The following KIAA1671 variants were observed in gnomAD, a reference collection of about 807,000 sequenced individuals.
The protein encoded by KIAA1671 is KIAA1671, also known as uncharacterized protein KIAA1671.
A neutral mutation model predicts 131.2 loss-of-function variants in KIAA1671; 52 were observed. The observed-to-expected ratio is 0.40, with a 90% CI of 0.32 to 0.50. The LOEUF (loss-of-function observed/expected upper bound fraction) is 0.50, where lower values mean the gene tolerates loss of function less well. KIAA1671 is among the 20% of genes least tolerant of loss of function. The pLI is 0.73. For missense variants in KIAA1671, 2,360 were observed against 2,364.2 expected (o/e 1.00, Z 0.04); for synonymous variants, 1,003 against 961.6 (o/e 1.04, Z -0.80).
intron 6 of KIAA1671, among the ~76,000 whole-genome samples, chr22:25,079,315 C>T (rs997259654): frequency 6.6e-6 from 1 of 152,082 alleles, no homozygotes; most frequent in East Asian, 1.9e-4. Context: ...CTGCAACCTC[C>T]GCCTCCTGGG....
At chr22:24,977,368 TGTC>T (rs745439206) in intron 1 of KIAA1671, among the ~76,000 whole-genome samples, 10 of 152,212 alleles carry the variant, frequency 6.6e-5, no homozygotes, top group Non-Finnish European at 1.2e-4. Context: ...CATGCGCTGT[TGTC>T]TGCTCCCCCA....
intron 5 of KIAA1671, 77 bp downstream of exon 5, chr22:25,041,602 G>C (rs1222533161): frequency 1.4e-6 from 2 of 1,409,030 alleles, no homozygotes; most frequent in Non-Finnish European, 1.9e-6. Flanking sequence ...CTCAGATTTT[G>C]TGTGGCCCAC....
At chr22:25,015,929 C>T (rs1925290779) in intron 1 of KIAA1671, among the ~76,000 whole-genome samples, 1 of 152,212 alleles carries the variant, frequency 6.6e-6, no homozygotes, top group South Asian at 2.1e-4. Context: ...AGCTCTGCTG[C>T]TGCTGTCATT....
chr22:25,178,782 C>T (rs1316502922), intron 9 of KIAA1671, among the ~76,000 whole-genome samples: 2 of 152,146 alleles, frequency 1.3e-5, no homozygotes, highest in Non-Finnish European at 2.9e-5. Context: ...AGCCCCCACC[C>T]ACCCCCTGCC....
chr22:24,996,147 T>C (rs910339243), intron 1 of KIAA1671, among the ~76,000 whole-genome samples: 2 of 151,386 alleles, frequency 1.3e-5, no homozygotes, highest in South Asian at 2.1e-4. Flanking sequence ...CAAGGACTCA[T>C]TGGGGAAGCG....
intron 1 of KIAA1671, among the ~76,000 whole-genome samples, chr22:24,968,008 A>G (rs1569194271): frequency 6.6e-6 from 1 of 152,010 alleles, no homozygotes; most frequent in Non-Finnish European, 1.5e-5. Flanking sequence ...AAAAGAAAAA[A>G]AGACTTGGAT....
intron 1 of KIAA1671, among the ~76,000 whole-genome samples, chr22:24,970,730 T>TAA (rs533720025): frequency 0.027 from 3,680 of 137,358 alleles, 194 homozygotes; most frequent in African/African-American, 0.091. Flanking sequence ...GTTGATGAGC[T>TAA]AAAAAAAAAA....
chr22:25,160,745 A>G (rs1173859365), intron 6 of KIAA1671, among the ~76,000 whole-genome samples: 1 of 152,162 alleles, frequency 6.6e-6, no homozygotes, highest in Non-Finnish European at 1.5e-5. Flanking sequence ...GGCCACACCT[A>G]CATTGTTGTC....
Position 25,039,749 on chromosome 22 carries a change from G to A in KIAA1671, c.2619G>A (p.Val873=), listed in dbSNP as rs1926809308. 1 of 1,496,502 alleles carries A rather than the reference G, an allele frequency of 6.7e-7. No homozygotes were observed. Among genetic ancestry groups the A allele is most frequent in the African/African-American group, 1.4e-5 (1 of 71,864 alleles). 92.7% of individuals were successfully genotyped at this position (1,496,502 alleles called of 1,614,324 possible). A position where few individuals can be genotyped will look rare whatever the true frequency, so the allele number is the denominator to read the frequency against. The part of the protein sequence containing the change: ...GPEGARSKPG[V]GARGPPQGCP... ...AGGGGGCCAGAAGCAAGCCAGGAGT[G>A]GGAGCAAGGGGCCCACCCCAGGGAT... Residue 873 remains valine (V), a synonymous_variant, in exon 5 of 13, where the codon GTG becomes GTA. Transcript: ENST00000358431.
At chr22:25,013,150 G>A (rs1322324730) in intron 1 of KIAA1671, 1 of 152,188 alleles carries the variant, frequency 6.6e-6, no homozygotes, top group Non-Finnish European at 1.5e-5. Context: ...TGGAGGGTTG[G>A]AAGTCATTTT....
intron 6 of KIAA1671, among the ~76,000 whole-genome samples, chr22:25,073,074 T>G (rs958497249): frequency 2.0e-5 from 3 of 152,112 alleles, no homozygotes; most frequent in African/African-American, 7.2e-5. Context: ...ACCTTTTTGT[T>G]TGTCTGTTTT....
chr22:25,165,019 G>GTGTGTC (rs1453641721), intron 6 of KIAA1671, among the ~76,000 whole-genome samples: 3 of 146,308 alleles, frequency 2.1e-5, no homozygotes, highest in Non-Finnish European at 4.5e-5. Context: ...GTGTGTGTGT[G>GTGTGTC]TGTCTGTGGT....
intron 6 of KIAA1671, among the ~76,000 whole-genome samples, chr22:25,159,041 G>A (rs1031601834): frequency 7.2e-5 from 11 of 152,134 alleles, no homozygotes; most frequent in African/African-American, 2.4e-4. Context: ...CACCCACAGC[G>A]CAGGCTCTAG....
intron 1 of KIAA1671, among the ~76,000 whole-genome samples, chr22:24,989,233 G>C (rs77900455): frequency 1.3e-5 from 2 of 152,080 alleles, no homozygotes; most frequent in Non-Finnish European, 2.9e-5. Flanking sequence ...TGGCCACCCC[G>C]TCTCCCACCT....
Position 25,117,634 on chromosome 22 carries a change from CACAG to C in KIAA1671, c.4531-53182_4531-53179del, listed in dbSNP as rs1185803256. On this transcript the variant is annotated intron_variant, in intron 6 of 12. Transcript: ENST00000358431. ...ACACACACACACACACACACACACACACAGACACACTGCTTCAGCAAGTGGGGGA... is the reference window on the plus strand; with the variant it reads ...ACACACACACACACACACACACACACACACACTGCTTCAGCAAGTGGGGGA... Among the ~76,000 whole-genome samples, 173 of 148,244 alleles carry C rather than the reference CACAG, an allele frequency of 1.2e-3. 2 individuals carry two copies. The highest frequency in any genetic ancestry group is 4.8e-3 in the South Asian group (22 of 4,582).
At chr22:25,141,879 C>CA (rs1932812492) in intron 6 of KIAA1671, among the ~76,000 whole-genome samples, 2 of 152,306 alleles carry the variant, frequency 1.3e-5, no homozygotes, top group South Asian at 4.1e-4. Context: ...TGATTTGGAA[C>CA]CCTGGCTCGG....
At chr22:25,107,855 A>G (rs182775091) in intron 6 of KIAA1671, among the ~76,000 whole-genome samples, 125 of 152,210 alleles carry the variant, frequency 8.2e-4, no homozygotes, top group African/African-American at 2.9e-3. Flanking sequence ...TAAAAATACA[A>G]AAATTAGCCA....
chr22:25,147,339 T>C (rs1932900999), intron 6 of KIAA1671, among the ~76,000 whole-genome samples: 1 of 151,964 alleles, frequency 6.6e-6, no homozygotes, highest in African/African-American at 2.4e-5. Context: ...ATGACAGACG[T>C]GTGCCACCAT....
intron 2 of KIAA1671, among the ~76,000 whole-genome samples, chr22:25,026,767 C>T (rs1471860260): frequency 6.6e-6 from 1 of 151,756 alleles, no homozygotes; most frequent in African/African-American, 2.4e-5. Context: ...GGGTGGTGGA[C>T]TTGAGGTTAG....
Sources: gnomAD v4.1 joint callset for allele counts (sites outside exome capture counted in the v4.1 genomes callset) on GRCh38, gnomAD v4.1.1 for gene constraint, MANE v1.5 for transcripts, NCBI Gene and HGNC (gene_info 2026-07-23, HGNC 2026-07-21) for gene names.